The following JMJD1C variants were observed in gnomAD, a reference collection of about 807,000 sequenced individuals.
JMJD1C encodes the protein jumonji domain-containing protein 1C.
Under a neutral mutation model 245.3 loss-of-function variants are expected in JMJD1C, and 31 were observed. That is an observed-to-expected ratio of 0.13 (90% CI 0.09 to 0.17). JMJD1C has a LOEUF of 0.17. Ranked by LOEUF, JMJD1C falls within the 10% of genes least tolerant of loss-of-function variation. The pLI is 1.00. For synonymous variants in JMJD1C, 1,057 were observed against 1,017.4 expected (o/e 1.04, Z -0.74); for missense variants, 2,691 against 3,000.2 (o/e 0.90, Z 2.41).
At chr10:63,480,975 C>A (rs1953813828) in intron 1 of JMJD1C, among the ~76,000 whole-genome samples, 1 of 152,128 alleles carries the variant, frequency 6.6e-6, no homozygotes, top group Non-Finnish European at 1.5e-5. Context: ...TTTAACATAA[C>A]CACATTATAG....
chr10:63,281,965 G>C (rs902658282), intron 2 of JMJD1C, among the ~76,000 whole-genome samples: 1 of 152,138 alleles, frequency 6.6e-6, no homozygotes, highest in Non-Finnish European at 1.5e-5. Flanking sequence ...CCATCCTCAA[G>C]GAGTAGGACA....
At chr10:63,297,097 A>T (rs969958230) in intron 2 of JMJD1C, among the ~76,000 whole-genome samples, 11 of 152,146 alleles carry the variant, frequency 7.2e-5, no homozygotes, top group African/African-American at 2.7e-4. Flanking sequence ...AAGTATATGC[A>T]GTTTAGTTGT....
intron 4 of JMJD1C, among the ~76,000 whole-genome samples, chr10:63,219,618 T>G (rs187980449): frequency 1.3e-5 from 2 of 152,194 alleles, no homozygotes; most frequent in Non-Finnish European, 2.9e-5. Context: ...TTCCATAATA[T>G]GCAGTTTTCT....
At chr10:63,309,983 C>A (rs1403260822) in intron 2 of JMJD1C, among the ~76,000 whole-genome samples, 2 of 152,084 alleles carry the variant, frequency 1.3e-5, no homozygotes. Context: ...GCCTACTGGA[C>A]AAAAGATCAC....
intron 23 of JMJD1C, chr10:63,177,079 AC>A (rs1842930706): frequency 2.0e-5 from 3 of 152,786 alleles, no homozygotes; most frequent in Non-Finnish European, 2.9e-5. Context: ...CACAGACAGA[AC>A]TTACATCCTT....
intron 1 of JMJD1C, among the ~76,000 whole-genome samples, chr10:63,429,700 T>C (rs1307147684): frequency 1.3e-5 from 2 of 152,214 alleles, no homozygotes; most frequent in South Asian, 2.1e-4. Context: ...CAAGTATGAA[T>C]ACTCAGCACA....
At chr10:63,381,007 A>G (rs7899910) in intron 1 of JMJD1C, among the ~76,000 whole-genome samples, 150,120 of 152,354 alleles carry the variant, frequency 0.99, 73,994 homozygotes, top group Middle Eastern at 1. Flanking sequence ...CACGATAATG[A>G]AATCAACCTA....
chr10:63,473,005 G>C (rs1201102153), intron 1 of JMJD1C, among the ~76,000 whole-genome samples: 1 of 151,734 alleles, frequency 6.6e-6, no homozygotes, highest in Admixed American at 6.6e-5. Context: ...GGATGGTCTC[G>C]ATCTCTTGAC....
rs879662715 is a variant in JMJD1C at position 63,490,427 on chromosome 10, T to A, written n.113+31311A>T. ...TATAATTATTTATTTATTTTATTTT[T>A]TTTTTTTGAGACAAAGTCTCACTCT... is the stretch of plus-strand genomic sequence containing the variant. On this transcript the variant is annotated intron_variant and non_coding_transcript_variant, in intron 1 of 3. Transcript: ENST00000633035. 4.1e-3 allele frequency among the ~76,000 whole-genome samples: 620 copies of A among 151,388 alleles called. 3 individuals are homozygous for A. The highest frequency in any genetic ancestry group is 6.9e-3 in the Non-Finnish European group (467 of 67,716).
intron 2 of JMJD1C, among the ~76,000 whole-genome samples, chr10:63,338,590 A>T (rs1943066048): frequency 6.6e-6 from 1 of 151,824 alleles, no homozygotes; most frequent in Non-Finnish European, 1.5e-5. Context: ...TACATTAGCC[A>T]CTACAAACTT....
intron 13 of JMJD1C, among the ~76,000 whole-genome samples, chr10:63,195,161 C>A (rs1845301552): frequency 6.6e-6 from 1 of 152,070 alleles, no homozygotes; most frequent in East Asian, 1.9e-4. Flanking sequence ...CAAGACCAGC[C>A]TGGCCAACAT....
chr10:63,477,128 A>C (rs1359721273), intron 1 of JMJD1C, among the ~76,000 whole-genome samples: 4 of 152,192 alleles, frequency 2.6e-5, no homozygotes, highest in African/African-American at 4.8e-5. Context: ...TATTAATAAT[A>C]TTCTAATAAG....
At chr10:63,368,271 A>T (rs1295776630) in intron 2 of JMJD1C, among the ~76,000 whole-genome samples, 2 of 152,202 alleles carry the variant, frequency 1.3e-5, no homozygotes, top group African/African-American at 4.8e-5. Context: ...TTGGAGAAAC[A>T]TTCTCAGGGG....
chr10:63,518,698 A>C (rs1955105677), intron 1 of JMJD1C, among the ~76,000 whole-genome samples: 1 of 152,256 alleles, frequency 6.6e-6, no homozygotes, highest in African/African-American at 2.4e-5. Context: ...AAAGTCAGGC[A>C]GATATTCTTA....
intron 2 of JMJD1C, among the ~76,000 whole-genome samples, chr10:63,369,144 T>G (rs1044270484): frequency 6.6e-6 from 1 of 151,920 alleles, no homozygotes; most frequent in Non-Finnish European, 1.5e-5. Context: ...TTTCTTTCTC[T>G]TTCTCTCTCT....
Position 63,515,597 on chromosome 10 carries a change from T to C in JMJD1C, n.113+6141A>G, listed in dbSNP as rs1158337229. Among the ~76,000 whole-genome samples the C allele has an allele frequency of 2.6e-5, 4 of 152,312 alleles. No homozygotes were observed. The East Asian group carries it at 7.7e-4, about 29-fold the overall frequency. ...GATCCTCGGTTTCTGCTTCAGTAGTTGTGATTCTCTGTATCCAGCTGTCTG... is the reference window on the plus strand; with the variant it reads ...GATCCTCGGTTTCTGCTTCAGTAGTCGTGATTCTCTGTATCCAGCTGTCTG... On this transcript the variant is annotated intron_variant and non_coding_transcript_variant, in intron 1 of 3. Transcript: ENST00000633035.
intron 3 of JMJD1C, among the ~76,000 whole-genome samples, chr10:63,231,039 T>G (rs1269163310): frequency 2.0e-5 from 3 of 152,194 alleles, no homozygotes; most frequent in Non-Finnish European, 4.4e-5. Context: ...TTTTAAATTA[T>G]TATAACTTTT....
At chr10:63,445,342 A>G (rs982098657) in intron 1 of JMJD1C, among the ~76,000 whole-genome samples, 1 of 152,236 alleles carries the variant, frequency 6.6e-6, no homozygotes, top group Non-Finnish European at 1.5e-5. Flanking sequence ...GTAGTCTTCA[A>G]AGAAGACCAA....
chr10:63,452,823 A>G (rs1952153765), intron 1 of JMJD1C, among the ~76,000 whole-genome samples: 1 of 152,226 alleles, frequency 6.6e-6, no homozygotes, highest in African/African-American at 2.4e-5. Flanking sequence ...ACACAAAAGT[A>G]CAAATATTGT....
Sources: allele counts gnomAD v4.1 joint callset (sites outside exome capture counted in the v4.1 genomes callset), GRCh38; gene constraint gnomAD v4.1.1; transcripts MANE v1.5; gene names NCBI Gene and HGNC (gene_info 2026-07-23, HGNC 2026-07-21).